The following EPB41 variants were observed in gnomAD, a reference collection of about 807,000 sequenced individuals.
EPB41 encodes protein 4.1.
A neutral mutation model predicts 108.0 loss-of-function variants in EPB41; 65 were observed. That is an observed-to-expected ratio of 0.60 (90% CI 0.49 to 0.74). The LOEUF is 0.74. Among genes scored for constraint, EPB41 ranks in the 30% least tolerant of loss-of-function variants. The pLI is 0.00. For synonymous variants in EPB41, 336 were observed against 358.9 expected (o/e 0.94, Z 0.72); for missense variants, 875 against 1,037.0 (o/e 0.84, Z 2.15).
intron 1 of EPB41, among the ~76,000 whole-genome samples, chr1:28,909,433 A>G (rs2092098241): frequency 6.6e-6 from 1 of 151,820 alleles, no homozygotes; most frequent in Non-Finnish European, 1.5e-5. Context: ...GCACAGCTGC[A>G]CTCCAGCCTG....
At chr1:28,895,933 A>T (rs1041594464) in intron 1 of EPB41, among the ~76,000 whole-genome samples, 1 of 152,174 alleles carries the variant, frequency 6.6e-6, no homozygotes, top group African/African-American at 2.4e-5. Flanking sequence ...AAATTCATGC[A>T]CACACACTGC....
At chr1:29,042,493 T>G (rs563511644) in intron 11 of EPB41, among the ~76,000 whole-genome samples, 20 of 152,184 alleles carry the variant, frequency 1.3e-4, no homozygotes, top group East Asian at 9.7e-4. Flanking sequence ...GTTTTGTTTT[T>G]TTTGAGACAG....
intron 16 of EPB41, among the ~76,000 whole-genome samples, chr1:29,068,420 G>C (rs1301974828): frequency 6.6e-6 from 1 of 152,092 alleles, no homozygotes; most frequent in Non-Finnish European, 1.5e-5. Flanking sequence ...ATCTTCTCAG[G>C]GTTGGTTTTG....
chr1:29,092,821 G>T (rs1340311242), intron 16 of EPB41, among the ~76,000 whole-genome samples: 1 of 152,098 alleles, frequency 6.6e-6, no homozygotes, highest in Non-Finnish European at 1.5e-5. Flanking sequence ...TATTGTTCCT[G>T]TGTTCGTTTG....
chr1:28,931,290 C>T (rs540188490), intron 1 of EPB41, among the ~76,000 whole-genome samples: 122 of 146,968 alleles, frequency 8.3e-4, no homozygotes, highest in African/African-American at 3.0e-3. Context: ...CCCAGCTACT[C>T]GGGAGGCTGA....
chr1:28,892,042 A>G (rs2090169746), intron 1 of EPB41, among the ~76,000 whole-genome samples: 1 of 148,116 alleles, frequency 6.8e-6, no homozygotes, highest in South Asian at 2.1e-4. Flanking sequence ...GCAGTGAGCC[A>G]AGATCGTGCC....
intron 16 of EPB41, among the ~76,000 whole-genome samples, chr1:29,078,914 A>G (rs925151607): frequency 1.3e-5 from 2 of 152,174 alleles, no homozygotes; most frequent in South Asian, 4.1e-4. Flanking sequence ...CCTAAAGAAT[A>G]AAGAAACCAC....
At chr1:29,037,586 C>CTT (rs56926337) in intron 10 of EPB41, among the ~76,000 whole-genome samples, 2 of 142,836 alleles carry the variant, frequency 1.4e-5, no homozygotes, top group African/African-American at 2.5e-5. Flanking sequence ...ATCAGTTTGC[C>CTT]TTTTTTTTTT....
At chr1:29,014,044 C>G (rs541746951) in intron 5 of EPB41, among the ~76,000 whole-genome samples, 1 of 152,020 alleles carries the variant, frequency 6.6e-6, no homozygotes, top group South Asian at 2.1e-4. Flanking sequence ...TGGCCAGTTG[C>G]AGTGGCTCAC....
At chr1:29,089,087 T>A (rs1660288977) in intron 16 of EPB41, among the ~76,000 whole-genome samples, 1 of 152,220 alleles carries the variant, frequency 6.6e-6, no homozygotes, top group Non-Finnish European at 1.5e-5. Context: ...CATCTGTTCA[T>A]CTATAAAATA....
chr1:29,114,073 GT>G (rs1327160981), intron 19 of EPB41, among the ~76,000 whole-genome samples: 1 of 152,134 alleles, frequency 6.6e-6, no homozygotes, highest in Non-Finnish European at 1.5e-5. Flanking sequence ...CCAGAAGAGG[GT>G]TTTCCTTCTT....
intron 1 of EPB41, among the ~76,000 whole-genome samples, chr1:28,907,587 G>A (rs980279507): frequency 6.6e-6 from 1 of 151,920 alleles, no homozygotes; most frequent in African/African-American, 2.4e-5. Context: ...GGCATTCCTT[G>A]ACAACAAGTG....
chr1:28,946,049 G>T (rs749223487), intron 1 of EPB41, among the ~76,000 whole-genome samples: 2 of 152,096 alleles, frequency 1.3e-5, no homozygotes, highest in Non-Finnish European at 2.9e-5. Flanking sequence ...TACTGTGAAT[G>T]AATGAATATA....
At chr1:29,029,884 G>T (rs2096767203) in intron 7 of EPB41, among the ~76,000 whole-genome samples, 1 of 152,146 alleles carries the variant, frequency 6.6e-6, no homozygotes. Flanking sequence ...AGCCTGCCCC[G>T]ATTAAGAGTC....
At chr1:29,109,287 G>A (rs777055089) in intron 17 of EPB41, 49 bp from the exon 18 acceptor site, 1 of 1,414,558 alleles carries the variant, frequency 7.1e-7, no homozygotes, top group South Asian at 1.2e-5. Flanking sequence ...TGCAACATTT[G>A]CCCAGTCTTC....
intron 1 of EPB41, among the ~76,000 whole-genome samples, chr1:28,969,212 G>T (rs1571620907): frequency 1.3e-5 from 2 of 151,084 alleles, no homozygotes; most frequent in East Asian, 4.0e-4. Context: ...AGTCTCTCCA[G>T]TAGCTGGGAT....
At chr1:29,098,018 C>T (rs1051065644) in intron 17 of EPB41, 83 bp downstream of exon 17, 47 of 1,582,826 alleles carry the variant, frequency 3.0e-5, no homozygotes, top group Non-Finnish European at 3.7e-5. Flanking sequence ...AGTCATTTAT[C>T]GCCAAGAATA....
intron 1 of EPB41, among the ~76,000 whole-genome samples, chr1:28,935,955 C>G (rs1320495730): frequency 6.6e-6 from 1 of 151,352 alleles, no homozygotes; most frequent in African/African-American, 2.4e-5. Context: ...TTTATTATTG[C>G]TTATCTGATC....
At chr1:28,946,037 C>A (rs2094476004) in intron 1 of EPB41, among the ~76,000 whole-genome samples, 1 of 152,102 alleles carries the variant, frequency 6.6e-6, no homozygotes, top group Non-Finnish European at 1.5e-5. Context: ...CTTTCAGATC[C>A]ATACTGTGAA....
Sources: gnomAD v4.1 joint callset for allele counts (sites outside exome capture counted in the v4.1 genomes callset) on GRCh38, gnomAD v4.1.1 for gene constraint, MANE v1.5 for transcripts, NCBI Gene and HGNC (gene_info 2026-07-23, HGNC 2026-07-21) for gene names.